The following CDH13 variants were observed in gnomAD, a reference collection of about 807,000 sequenced individuals.
CDH13 encodes the protein cadherin-13.
Under a neutral mutation model 63.8 loss-of-function variants are expected in CDH13, and 24 were observed. The ratio of observed to expected loss-of-function variants is 0.38; its 90% CI spans 0.27 to 0.53. The LOEUF is 0.53. CDH13 is among the 20% of genes least tolerant of loss of function. The pLI, the probability that CDH13 is intolerant of heterozygous loss-of-function variation, is 0.85. For missense variants in CDH13, 1,049 were observed against 903.1 expected (o/e 1.16, Z -2.07); for synonymous variants, 503 against 355.3 (o/e 1.42, Z -4.67).
chr16:82,910,267 G>A (rs2041787813), intron 2 of CDH13, among the ~76,000 whole-genome samples: 1 of 152,228 alleles, frequency 6.6e-6, no homozygotes, highest in East Asian at 1.9e-4. Context: ...ACATAATCCA[G>A]CCTATTCTGG....
rs1555527310 is a variant in CDH13 at position 83,301,032 on chromosome 16, T to TTTTG, written c.637-43827_637-43826insGTTT. On this transcript the variant is annotated intron_variant, in intron 5 of 13. Transcript: ENST00000567109. Reference sequence around the variant, plus strand: ...TACATATAACTTTCTGGGGTTTTTTTTTTTTTTTTTTTTTTTTGAGACAGA... The same window carrying TTTTG: ...TACATATAACTTTCTGGGGTTTTTTTTTTGTTTTTTTTTTTTTTTTTGAGACAGA... Among the ~76,000 whole-genome samples, 835 of 129,716 alleles carry TTTTG rather than the reference T, an allele frequency of 6.4e-3. 21 individuals carry two copies. Among genetic ancestry groups the TTTTG allele is most frequent in the Middle Eastern group, 0.011 (3 of 282 alleles). 85.1% of individuals were successfully genotyped at this position (129,716 alleles called of 152,430 possible). A position where few individuals can be genotyped will look rare whatever the true frequency, so the allele number is the denominator to read the frequency against.
chr16:83,063,815 C>T (rs1489381366), intron 3 of CDH13, among the ~76,000 whole-genome samples: 1 of 152,124 alleles, frequency 6.6e-6, no homozygotes, highest in African/African-American at 2.4e-5. Context: ...AGCATTTGTT[C>T]CTTGTCTCTT....
chr16:83,564,947 G>T (rs1380753451), intron 7 of CDH13, among the ~76,000 whole-genome samples: 1 of 152,100 alleles, frequency 6.6e-6, no homozygotes, highest in Non-Finnish European at 1.5e-5. Context: ...TTGTTTGTTT[G>T]TTTGTTGTTT....
intron 1 of CDH13, chr16:82,688,862 C>A (rs893048316): frequency 2.0e-5 from 3 of 152,148 alleles, no homozygotes; most frequent in African/African-American, 4.8e-5. Flanking sequence ...AACAGGGTAA[C>A]CATGTGACCA....
intron 2 of CDH13, among the ~76,000 whole-genome samples, chr16:82,896,046 C>T (rs1213847855): frequency 6.6e-6 from 1 of 152,124 alleles, no homozygotes; most frequent in Non-Finnish European, 1.5e-5. Context: ...CTCTTCACTG[C>T]CTACTTTAAG....
intron 7 of CDH13, among the ~76,000 whole-genome samples, chr16:83,571,946 A>T (rs1485725521): frequency 1.3e-5 from 2 of 152,174 alleles, no homozygotes; most frequent in East Asian, 3.9e-4. Context: ...TTTCCTCTGG[A>T]CTAACTAGGG....
At position 83,257,246 on chromosome 16, in the gene CDH13, G is replaced by A. The variant is rs1396539272; in HGVS notation, c.636+39749G>A. The stretch of plus-strand genomic sequence containing the variant: ...AGACAGAATATACACAGGCGAAGAG[G>A]AGAGAAAGCGACGGTGAGCTTGAAA... On this transcript the variant is annotated intron_variant, in intron 5 of 13. Coordinates refer to ENST00000567109, the MANE Select transcript of CDH13 (RefSeq NM_001257.5). Among the ~76,000 whole-genome samples the A allele has an allele frequency of 2.0e-5, 3 of 151,876 alleles. No homozygotes were observed. In the East Asian group the frequency reaches 5.8e-4, roughly 29 times the overall value.
At chr16:82,700,616 T>A (rs1263099790) in intron 1 of CDH13, among the ~76,000 whole-genome samples, 1 of 152,052 alleles carries the variant, frequency 6.6e-6, no homozygotes, top group East Asian at 1.9e-4. Context: ...TTAAACTTAA[T>A]CATTTCTAAG....
intron 2 of CDH13, among the ~76,000 whole-genome samples, chr16:82,920,291 C>T (rs1259889121): frequency 6.6e-6 from 1 of 152,154 alleles, no homozygotes; most frequent in Non-Finnish European, 1.5e-5. Flanking sequence ...TAAGTTCTCC[C>T]CTCATAATGC....
chr16:82,671,528 T>G (rs1016176789), intron 1 of CDH13, among the ~76,000 whole-genome samples: 1 of 152,222 alleles, frequency 6.6e-6, no homozygotes, highest in East Asian at 1.9e-4. Flanking sequence ...ACCTTCAATA[T>G]CAAAGCAGAT....
chr16:83,233,194 TC>T (rs1009951537), intron 5 of CDH13, among the ~76,000 whole-genome samples: 7 of 152,220 alleles, frequency 4.6e-5, no homozygotes, highest in Non-Finnish European at 7.3e-5. Context: ...TGCTTTTCTT[TC>T]CCAGCAGTTT....
At chr16:83,091,353 G>A (rs1295374880) in intron 3 of CDH13, among the ~76,000 whole-genome samples, 1 of 152,162 alleles carries the variant, frequency 6.6e-6, no homozygotes, top group Non-Finnish European at 1.5e-5. Flanking sequence ...GTCAGTAGTA[G>A]GAGGCATATT....
At chr16:83,479,667 C>A (rs932630875) in intron 6 of CDH13, among the ~76,000 whole-genome samples, 32 of 130,180 alleles carry the variant, frequency 2.5e-4, no homozygotes, top group African/African-American at 9.2e-4. Context: ...CAAAAAAAAA[C>A]TTACATTTCT....
At chr16:82,652,628 A>AGCTGCTGCTGCTGCT (rs35661989) in intron 1 of CDH13, among the ~76,000 whole-genome samples, 2 of 149,302 alleles carry the variant, frequency 1.3e-5, no homozygotes, top group East Asian at 1.9e-4. Flanking sequence ...AGATATTGGA[A>AGCTGCTGCTGCTGCT]GCTGCTGCTG....
At chr16:82,629,663 C>G (rs762956321) in intron 1 of CDH13, among the ~76,000 whole-genome samples, 3 of 152,204 alleles carry the variant, frequency 2.0e-5, no homozygotes, top group Non-Finnish European at 4.4e-5. Flanking sequence ...TGGAAGCCAT[C>G]AATCTCTGTA....
At chr16:82,881,843 C>T (rs1157420040) in intron 2 of CDH13, among the ~76,000 whole-genome samples, 5 of 152,156 alleles carry the variant, frequency 3.3e-5, no homozygotes, top group Non-Finnish European at 7.4e-5. Context: ...ATGACCCCCA[C>T]ACCCAGGTCT....
chr16:83,036,866 C>A (rs1473685046), intron 3 of CDH13, among the ~76,000 whole-genome samples: 1 of 152,290 alleles, frequency 6.6e-6, no homozygotes, highest in African/African-American at 2.4e-5. Context: ...ACACCCCACA[C>A]AAGCCAGGGT....
intron 6 of CDH13, among the ~76,000 whole-genome samples, chr16:83,372,037 C>T (rs913215713): frequency 4.6e-5 from 7 of 152,202 alleles, no homozygotes; most frequent in East Asian, 1.9e-4. Flanking sequence ...TGGGTGTTCA[C>T]GAGATGCTTC....
chr16:83,224,573 G>C (rs1463328290), intron 5 of CDH13, among the ~76,000 whole-genome samples: 6 of 152,218 alleles, frequency 3.9e-5, no homozygotes, highest in African/African-American at 1.4e-4. Context: ...CAAAACAAAG[G>C]ATTTGGGTTA....
Sources: allele counts gnomAD v4.1 joint callset (sites outside exome capture counted in the v4.1 genomes callset), GRCh38; gene constraint gnomAD v4.1.1; transcripts MANE v1.5; gene names NCBI Gene and HGNC (gene_info 2026-07-23, HGNC 2026-07-21).